RBPJ: variants seen among roughly 807,000 people sequenced by gnomAD.
RBPJ encodes recombination signal binding protein for immunoglobulin kappa J region.
Under a neutral mutation model 67.8 loss-of-function variants are expected in RBPJ, and 9 were observed. The observed-to-expected ratio is 0.13, with a 90% CI of 0.08 to 0.23. The LOEUF (loss-of-function observed/expected upper bound fraction) is 0.23. Among genes scored for constraint, RBPJ ranks in the 10% least tolerant of loss-of-function variants. RBPJ has a pLI of 1.00. For synonymous variants in RBPJ, 198 were observed against 203.3 expected (o/e 0.97, Z 0.22); for missense variants, 305 against 595.6 (o/e 0.51, Z 5.08).
intron 1 of RBPJ, among the ~76,000 whole-genome samples, chr4:26,192,260 A>G (rs1354799479): frequency 6.6e-6 from 1 of 151,830 alleles, no homozygotes; most frequent in Non-Finnish European, 1.5e-5. Flanking sequence ...GCCCGCCTCG[A>G]CCTCCCAAAG....
At chr4:26,246,605 G>C (rs780534769) in intron 1 of RBPJ, among the ~76,000 whole-genome samples, 2 of 152,196 alleles carry the variant, frequency 1.3e-5, no homozygotes, top group African/African-American at 2.4e-5. Context: ...TGTAAGCTCA[G>C]ATAAATCCAT....
intron 1 of RBPJ, among the ~76,000 whole-genome samples, chr4:26,294,528 G>A (rs992309278): frequency 6.6e-6 from 1 of 152,196 alleles, no homozygotes; most frequent in African/African-American, 2.4e-5. Flanking sequence ...GGTAACACAG[G>A]TACCTAGAAA....
intron 7 of RBPJ, 148 bp from the exon 8 acceptor site, chr4:26,428,572 G>T: frequency 3.5e-6 from 2 of 569,316 alleles, no homozygotes. Flanking sequence ...CTTTTTGTTT[G>T]TGAATGTTTT....
chr4:26,321,858 C>T (rs1723115758), intron 1 of RBPJ: 1 of 152,266 alleles, frequency 6.6e-6, no homozygotes, highest in South Asian at 2.1e-4. Context: ...TCTAAGTGCA[C>T]ACAAGACTCT....
chr4:26,300,355 A>G (rs1056379377), intron 1 of RBPJ, among the ~76,000 whole-genome samples: 1 of 152,190 alleles, frequency 6.6e-6, no homozygotes, highest in South Asian at 2.1e-4. Context: ...TTCTTTTCCA[A>G]TCTAGACTTT....
the RBPJ span, among the ~76,000 whole-genome samples, chr4:26,117,520 A>C: frequency 6.6e-6 from 1 of 152,280 alleles, no homozygotes; most frequent in East Asian, 1.9e-4. Flanking sequence ...ACACATGCTG[A>C]CCACCTACTA....
intron 1 of RBPJ, among the ~76,000 whole-genome samples, chr4:26,293,407 G>A (rs1316198020): frequency 2.7e-5 from 4 of 150,196 alleles, no homozygotes; most frequent in Non-Finnish European, 5.9e-5. Context: ...GCTGAGGCAG[G>A]AGGATTGCTT....
At chr4:26,369,100 G>T (rs1023293171) in intron 1 of RBPJ, among the ~76,000 whole-genome samples, 1 of 152,186 alleles carries the variant, frequency 6.6e-6, no homozygotes, top group African/African-American at 2.4e-5. Context: ...TTAGCCAAAT[G>T]AATGAACTTT....
chr4:26,396,363 A>G (rs1033775642), intron 2 of RBPJ, among the ~76,000 whole-genome samples: 3 of 152,224 alleles, frequency 2.0e-5, no homozygotes, highest in Non-Finnish European at 2.9e-5. Flanking sequence ...GAATAAGAGA[A>G]TGGAGTAGAG....
At chr4:26,140,974 G>C in the RBPJ span, among the ~76,000 whole-genome samples, 1 of 152,012 alleles carries the variant, frequency 6.6e-6, no homozygotes, top group Non-Finnish European at 1.5e-5. Context: ...TCCTCTTTCT[G>C]CTCCAAGAAT....
intron 1 of RBPJ, among the ~76,000 whole-genome samples, chr4:26,238,979 A>G (rs1719545311): frequency 6.6e-6 from 1 of 152,136 alleles, no homozygotes; most frequent in South Asian, 2.1e-4. Flanking sequence ...ACTTGGCAGG[A>G]ACAGGGCGGC....
intron 1 of RBPJ, among the ~76,000 whole-genome samples, chr4:26,230,836 C>T (rs1719253784): frequency 6.6e-6 from 1 of 152,010 alleles, no homozygotes; most frequent in Non-Finnish European, 1.5e-5. Flanking sequence ...AAATGACAAG[C>T]ATAGCTTTAG....
intron 1 of RBPJ, among the ~76,000 whole-genome samples, chr4:26,289,716 C>A (rs73114559): frequency 0.035 from 5,309 of 150,766 alleles, 494 homozygotes; most frequent in African/African-American, 0.12. Flanking sequence ...GGACACACCT[C>A]ACCTGTAAGT....
chr4:26,361,923 CTGTT>C (rs2109500728), intron 1 of RBPJ, among the ~76,000 whole-genome samples: 1 of 152,274 alleles, frequency 6.6e-6, no homozygotes, highest in African/African-American at 2.4e-5. Context: ...AGCCGTCTGT[CTGTT>C]CATTTTTATG....
At chr4:26,176,099 G>A (rs546722834) in intron 1 of RBPJ, among the ~76,000 whole-genome samples, 1 of 152,194 alleles carries the variant, frequency 6.6e-6, no homozygotes, top group South Asian at 2.1e-4. Context: ...TAATTTTTTA[G>A]TGTAAGAATG....
At chr4:26,427,198 T>G (rs919567980) in intron 7 of RBPJ, among the ~76,000 whole-genome samples, 5 of 152,132 alleles carry the variant, frequency 3.3e-5, no homozygotes, top group Non-Finnish European at 5.9e-5. Flanking sequence ...GCTGGCAGAT[T>G]GGATGGTTGG....
At chr4:26,320,847 C>T (rs895345320), upstream of RBPJ, 20 of 1,567,958 alleles carry the variant, frequency 1.3e-5, no homozygotes, top group Admixed American at 5.9e-5. Context: ...CGAGCAGGAT[C>T]CCCTACTCTG....
At chr4:26,283,648 AC>A (rs1169326916) in intron 1 of RBPJ, among the ~76,000 whole-genome samples, 1 of 131,326 alleles carries the variant, frequency 7.6e-6, no homozygotes, top group Non-Finnish European at 1.6e-5. Context: ...ATTTAACTAA[AC>A]TTTTTTTTTT....
At chr4:26,184,172 ACTT>A (rs1717131309) in intron 1 of RBPJ, among the ~76,000 whole-genome samples, 1 of 141,334 alleles carries the variant, frequency 7.1e-6, no homozygotes, top group African/African-American at 2.8e-5. Context: ...ACAAAGTGAG[ACTT>A]CATCTCAAAA....
Sources: allele counts gnomAD v4.1 joint callset (sites outside exome capture counted in the v4.1 genomes callset), GRCh38; gene constraint gnomAD v4.1.1; transcripts MANE v1.5; gene names NCBI Gene and HGNC (gene_info 2026-07-23, HGNC 2026-07-21).